EIF3I: variants seen among roughly 807,000 people sequenced by gnomAD.
EIF3I encodes eukaryotic translation initiation factor 3 subunit I, also known as TGF-beta receptor-interacting protein 1.
In EIF3I, 20 loss-of-function variants were observed where a neutral mutation model predicts 43.3. That is an observed-to-expected ratio of 0.46 (90% confidence interval 0.32 to 0.67). EIF3I has a LOEUF of 0.67. Among genes scored for constraint, EIF3I ranks in the 30% least tolerant of loss-of-function variants. EIF3I has a pLI of 0.03. For missense variants in EIF3I, 279 were observed against 421.4 expected (o/e 0.66, Z 2.96); for synonymous variants, 167 against 151.7 (o/e 1.10, Z -0.74).
chr1:32,231,374 C>G, downstream of EIF3I: 2 of 538,560 alleles, frequency 3.7e-6, no homozygotes. Flanking sequence ...GCCTATAGTC[C>G]CAGCTACTCA....
At chr1:32,232,428 T>C (rs955607450), downstream of EIF3I, among the ~76,000 whole-genome samples, 2 of 152,216 alleles carry the variant, frequency 1.3e-5, no homozygotes, top group Admixed American at 1.3e-4. Flanking sequence ...TAGTTTTGCC[T>C]CAATGTCAGA....
downstream of EIF3I, among the ~76,000 whole-genome samples, chr1:32,233,723 T>A (rs1028915232): frequency 6.6e-6 from 1 of 152,234 alleles, no homozygotes; most frequent in Non-Finnish European, 1.5e-5. Flanking sequence ...TTTCAACCTC[T>A]GTTCTATTGC....
At chr1:32,222,578 A>G (rs1569851001) in exon 2 of EIF3I, 1 of 1,614,168 alleles carries the variant, frequency 6.2e-7, no homozygotes, top group Non-Finnish European at 8.5e-7. Flanking sequence ...TCCATTACGC[A>G]GATTAAGTAT....
At chr1:32,223,026 T>C (rs1049417979) in intron 2 of EIF3I, among the ~76,000 whole-genome samples, 2 of 152,138 alleles carry the variant, frequency 1.3e-5, no homozygotes, top group African/African-American at 4.8e-5. Context: ...CGCGGTGAGC[T>C]GAGATCGTGC....
downstream of EIF3I, chr1:32,234,092 GT>G (rs1165814850): frequency 6.6e-6 from 1 of 152,158 alleles, no homozygotes; most frequent in Non-Finnish European, 1.5e-5. Context: ...GAGGTCAGGA[GT>G]TTGAGATCAG....
intron 6 of EIF3I, among the ~76,000 whole-genome samples, chr1:32,227,858 A>G (rs1639171108): frequency 6.6e-6 from 1 of 152,234 alleles, no homozygotes; most frequent in African/African-American, 2.4e-5. Context: ...TATAATGCTG[A>G]ACTCCTAGAA....
chr1:32,222,519 T>A lies in EIF3I; in HGVS notation c.4-19T>A. On this transcript the variant is annotated intron_variant, in intron 1 of 11. Coordinates refer to ENST00000676679, the Ensembl canonical transcript of EIF3I. ...GGGGCCCAATTCCGAGCACTGACGTTACTGTCTTGTCCCCACAGAAGCCGA... is the reference window on the plus strand; with the variant it reads ...GGGGCCCAATTCCGAGCACTGACGTAACTGTCTTGTCCCCACAGAAGCCGA... 6.2e-7 allele frequency: 1 copy of A among 1,614,120 alleles called. No homozygotes were observed. Among genetic ancestry groups the A allele is most frequent in the Non-Finnish European group, 8.5e-7 (1 of 1,179,960 alleles).
At chr1:32,223,577 A>C (rs1384693053) in intron 2 of EIF3I, among the ~76,000 whole-genome samples, 1 of 152,086 alleles carries the variant, frequency 6.6e-6, no homozygotes, top group Non-Finnish European at 1.5e-5. Flanking sequence ...GAGTCACCAC[A>C]CCCGGCCTGG....
intron 6 of EIF3I, among the ~76,000 whole-genome samples, 188 bp downstream of exon 6, chr1:32,226,718 C>T (rs1256935957): frequency 6.6e-6 from 1 of 151,264 alleles, no homozygotes; most frequent in East Asian, 1.9e-4. Context: ...AGGTGCATGC[C>T]ACCGCACCTG....
intron 6 of EIF3I, 50 bp downstream of exon 6, chr1:32,226,580 T>TC: frequency 1.4e-6 from 2 of 1,425,866 alleles, no homozygotes; most frequent in East Asian, 2.5e-5. Context: ...TTTTTTTTTT[T>TC]TTTTAAGATA....
intron 6 of EIF3I, among the ~76,000 whole-genome samples, chr1:32,227,071 C>T (rs936646179): frequency 6.6e-6 from 1 of 151,382 alleles, no homozygotes; most frequent in Non-Finnish European, 1.5e-5. Flanking sequence ...ACCTCCTGAC[C>T]TCAGATGATC....
At chr1:32,227,361 A>T (rs918101256) in intron 6 of EIF3I, among the ~76,000 whole-genome samples, 6 of 151,806 alleles carry the variant, frequency 4.0e-5, no homozygotes, top group Admixed American at 6.6e-5. Flanking sequence ...ACCACTTTCT[A>T]GCTGTGTGAT....
chr1:32,226,586 A>T (rs1479758437), intron 6 of EIF3I, 56 bp downstream of exon 6: 22 of 1,375,398 alleles, frequency 1.6e-5, no homozygotes, highest in African/African-American at 3.0e-5. Context: ...TTTTTTTTTA[A>T]GATAGAGTCT....
downstream of EIF3I, among the ~76,000 whole-genome samples, chr1:32,232,974 A>G (rs1332436682): frequency 6.6e-6 from 1 of 152,148 alleles, no homozygotes; most frequent in Non-Finnish European, 1.5e-5. Flanking sequence ...TAATAAAAAT[A>G]CCACTTCTTT....
At position 32,229,629 on chromosome 1, in the gene EIF3I, C is replaced by T. The variant is rs553249314; in HGVS notation, c.803+421C>T. On this transcript the variant is annotated intron_variant, in intron 9 of 11. Coordinates refer to ENST00000676679, the Ensembl canonical transcript of EIF3I. The stretch of plus-strand genomic sequence containing the variant: ...GCAATGGCGCGATCTCTGCTCACTG[C>T]AACCTCTGCTTCCCGGGTTCAAGCA... 2.0e-5 allele frequency among the ~76,000 whole-genome samples: 3 copies of T among 147,910 alleles called. No homozygotes were observed. In the East Asian group the frequency reaches 6.1e-4, roughly 30 times the overall value.
chr1:32,228,899 C>T, intron 8 of EIF3I, 83 bp downstream of exon 8: 2 of 1,251,980 alleles, frequency 1.6e-6, no homozygotes, highest in Non-Finnish European at 2.3e-6. Flanking sequence ...TGGGCTACAA[C>T]ATTGTGGGGG....
At position 32,229,118 on chromosome 1, in the gene EIF3I, TTTC is replaced by T. The variant is rs762244261; in HGVS notation, c.730-10_730-8del. On this transcript the variant is annotated splice_polypyrimidine_tract_variant and intron_variant, in intron 8 of 11. Coordinates refer to ENST00000676679, the Ensembl canonical transcript of EIF3I. ...TGGTGTCCATTGGTCCCATCTAGAG[TTTC>T]TTCTTCCATTCAGGTGGTCCTGGGC... 3.7e-6 allele frequency: 6 copies of T among 1,607,720 alleles called. No homozygotes were observed. Among genetic ancestry groups the T allele is most frequent in the Non-Finnish European group, 5.1e-6 (6 of 1,178,402 alleles).
At chr1:32,230,833 A>T in intron 10 of EIF3I, 94 bp from the exon 10 acceptor site, 1 of 909,198 alleles carries the variant, frequency 1.1e-6, no homozygotes, top group Non-Finnish European at 1.7e-6. Context: ...CAAAATAAAT[A>T]AATAATAATA....
chr1:32,235,213 G>A (rs1639284121), downstream of EIF3I: 1 of 152,376 alleles, frequency 6.6e-6, no homozygotes, highest in Non-Finnish European at 1.5e-5. Flanking sequence ...ACAGAATCCT[G>A]TAAAGAGCCC....
Sources: gnomAD v4.1 joint callset for allele counts (sites outside exome capture counted in the v4.1 genomes callset) on GRCh38, gnomAD v4.1.1 for gene constraint, MANE v1.5 for transcripts, NCBI Gene and HGNC (gene_info 2026-07-23, HGNC 2026-07-21) for gene names.